Variants in FHIT observed in about 807,000 individuals in gnomAD.
FHIT encodes the protein fragile histidine triad diadenosine triphosphatase.
FHIT carries 19 observed loss-of-function variants against 17.9 expected under a neutral mutation model. The observed-to-expected ratio is 1.06, with a 90% CI of 0.74 to 1.56. The LOEUF (loss-of-function observed/expected upper bound fraction) is 1.56, where lower values mean the gene tolerates loss of function less well. FHIT is among the 40% of genes most tolerant of loss of function. The probability of loss-of-function intolerance (pLI) is 0.00; values close to 1 mark genes in which losing one functional copy is unlikely to be tolerated. For synonymous variants in FHIT, 81 were observed against 69.7 expected (o/e 1.16, Z -0.81); for missense variants, 248 against 189.2 (o/e 1.31, Z -1.82).
At chr3:59,851,441 A>G (rs1243785448) in intron 8 of FHIT, among the ~76,000 whole-genome samples, 3 of 152,146 alleles carry the variant, frequency 2.0e-5, no homozygotes, top group South Asian at 2.1e-4. Flanking sequence ...GTTTATCTCA[A>G]TTTAACAGAG....
At chr3:59,970,423 T>C (rs531118295) in intron 7 of FHIT, among the ~76,000 whole-genome samples, 9 of 152,262 alleles carry the variant, frequency 5.9e-5, no homozygotes, top group Admixed American at 2.0e-4. Flanking sequence ...GGGTGTTGCT[T>C]ACTATTGTCA....
intron 8 of FHIT, among the ~76,000 whole-genome samples, chr3:59,806,676 A>T (rs62238267): frequency 2.7e-4 from 2 of 7,352 alleles, no homozygotes; most frequent in Non-Finnish European, 8.2e-4. Flanking sequence ...ATATATGTGT[A>T]TATATATGTA....
At chr3:60,334,783 G>C (rs1015789076) in intron 5 of FHIT, among the ~76,000 whole-genome samples, 6 of 152,188 alleles carry the variant, frequency 3.9e-5, no homozygotes, top group Non-Finnish European at 8.8e-5. Flanking sequence ...GGGCGACAGA[G>C]AGAGACTCCA....
chr3:60,531,399 C>T (rs990610187), intron 5 of FHIT, among the ~76,000 whole-genome samples: 1 of 151,260 alleles, frequency 6.6e-6, no homozygotes, highest in Admixed American at 6.6e-5. Flanking sequence ...CTGCCTCAGC[C>T]TCCCGAGTAG....
At chr3:60,922,554 A>G (rs1435615140) in intron 3 of FHIT, among the ~76,000 whole-genome samples, 10 of 152,212 alleles carry the variant, frequency 6.6e-5, no homozygotes, top group Admixed American at 3.3e-4. Flanking sequence ...AAAAGTTGCA[A>G]AAGTTGAAGT....
In FHIT at chr3:59,875,310, AACT is replaced by A. The variant is rs1195089687; in HGVS notation, c.348+47033_348+47035del. Reference sequence around the variant, plus strand: ...CCAGAGGTGCCAGCTGTTTCCCCTAAACTACTACTCACTGTTGAATGTCTAGGT... The same window carrying A: ...CCAGAGGTGCCAGCTGTTTCCCCTAAACTACTCACTGTTGAATGTCTAGGT... On this transcript the variant is annotated intron_variant, in intron 8 of 9. Coordinates refer to ENST00000492590, the MANE Select transcript of FHIT (RefSeq NM_002012.4). Among the ~76,000 whole-genome samples the A allele has an allele frequency of 2.0e-5, 3 of 152,242 alleles. No individual in the cohort carries two copies. In the East Asian group the frequency reaches 5.8e-4, roughly 29 times the overall value.
intron 7 of FHIT, among the ~76,000 whole-genome samples, chr3:59,928,690 G>A (rs1318010193): frequency 6.6e-6 from 1 of 152,118 alleles, no homozygotes; most frequent in Non-Finnish European, 1.5e-5. Flanking sequence ...ACATACTAGG[G>A]CAACTGTAAT....
At chr3:60,082,326 T>C (rs1703323714) in intron 5 of FHIT, among the ~76,000 whole-genome samples, 2 of 152,102 alleles carry the variant, frequency 1.3e-5, no homozygotes, top group African/African-American at 4.8e-5. Context: ...TATGGCCATG[T>C]AGTATTCCAC....
At chr3:59,906,943 C>A (rs959691635) in intron 8 of FHIT, among the ~76,000 whole-genome samples, 8 of 152,192 alleles carry the variant, frequency 5.3e-5, no homozygotes, top group Admixed American at 2.0e-4. Flanking sequence ...GCTAATGTGA[C>A]CTCCACGTGG....
intron 5 of FHIT, among the ~76,000 whole-genome samples, chr3:60,042,344 GT>G (rs1445881748): frequency 6.6e-6 from 1 of 152,262 alleles, no homozygotes; most frequent in South Asian, 2.1e-4. Context: ...GACTCTATTA[GT>G]TTGCTAGGAC....
At chr3:60,892,521 C>T (rs1280377816) in intron 3 of FHIT, among the ~76,000 whole-genome samples, 3 of 152,246 alleles carry the variant, frequency 2.0e-5, no homozygotes, top group South Asian at 2.1e-4. Flanking sequence ...GTATATTAGA[C>T]GTCTATAACT....
chr3:59,752,610 A>G (rs1044746824), intron 8 of FHIT, among the ~76,000 whole-genome samples: 1 of 152,144 alleles, frequency 6.6e-6, no homozygotes, highest in Non-Finnish European at 1.5e-5. Context: ...TAGAATCCCC[A>G]GTGTCAGAGG....
At chr3:60,719,888 C>G (rs1295838588) in intron 4 of FHIT, among the ~76,000 whole-genome samples, 1 of 152,164 alleles carries the variant, frequency 6.6e-6, no homozygotes, top group East Asian at 1.9e-4. Context: ...GTTCTCATTT[C>G]TCTCCAGATC....
chr3:60,393,599 GACAAC>G (rs1320778083), intron 5 of FHIT, among the ~76,000 whole-genome samples: 2 of 151,970 alleles, frequency 1.3e-5, no homozygotes, highest in African/African-American at 4.8e-5. Context: ...GAAGAATGTG[GACAAC>G]ACACTCCATA....
In FHIT at chr3:60,692,487, T is replaced by C. The variant is rs139288408; in HGVS notation, c.-18+129432A>G. On this transcript the variant is annotated intron_variant, in intron 4 of 9. Transcript: ENST00000492590. ...TTAAATCTCAAAAACAGAAGTAGAA[T>C]AGTCAGAGCAATGCAATAGGAAAAA... Among the ~76,000 whole-genome samples the C allele has an allele frequency of 2.4e-3, 368 of 152,178 alleles. 4 individuals are homozygous for C. The highest frequency in any genetic ancestry group is 0.013 in the East Asian group (65 of 5,172).
chr3:61,012,035 T>C (rs745994213), intron 3 of FHIT, among the ~76,000 whole-genome samples: 2 of 152,208 alleles, frequency 1.3e-5, no homozygotes, highest in African/African-American at 2.4e-5. Flanking sequence ...ACATTTTTCA[T>C]AAAGCTAATG....
At chr3:59,766,246 A>C (rs1056613463) in intron 8 of FHIT, among the ~76,000 whole-genome samples, 1 of 152,234 alleles carries the variant, frequency 6.6e-6, no homozygotes, top group African/African-American at 2.4e-5. Flanking sequence ...ATGATGGAAA[A>C]CAAAGAGAAA....
chr3:61,143,252 G>A (rs1468872319), intron 2 of FHIT, among the ~76,000 whole-genome samples: 1 of 152,156 alleles, frequency 6.6e-6, no homozygotes, highest in African/African-American at 2.4e-5. Context: ...TCCTTAGGAA[G>A]GATTACTGGG....
chr3:61,184,116 A>T (rs1392430325), intron 2 of FHIT, among the ~76,000 whole-genome samples: 2 of 152,216 alleles, frequency 1.3e-5, no homozygotes, highest in South Asian at 2.1e-4. Flanking sequence ...TCAGACAGAG[A>T]ATATTCCCCC....
Sources: gnomAD v4.1 joint callset for allele counts (sites outside exome capture counted in the v4.1 genomes callset) on GRCh38, gnomAD v4.1.1 for gene constraint, MANE v1.5 for transcripts, NCBI Gene and HGNC (gene_info 2026-07-23, HGNC 2026-07-21) for gene names.